The following IL27RA variants were observed in gnomAD, a reference collection of about 807,000 sequenced individuals.
IL27RA encodes the protein interleukin 27 receptor subunit alpha.
Under a neutral mutation model 80.8 loss-of-function variants are expected in IL27RA, and 61 were observed. The observed-to-expected ratio is 0.76, with a 90% CI of 0.61 to 0.93. The LOEUF is 0.93. IL27RA is among the 40% of genes least tolerant of loss of function. IL27RA has a pLI of 0.00. For synonymous variants in IL27RA, 316 were observed against 332.5 expected (o/e 0.95, Z 0.54); for missense variants, 735 against 808.1 (o/e 0.91, Z 1.10).
chr19:14,042,392 T>A, intron 4 of IL27RA, 61 bp from the exon 5 acceptor site: 3 of 1,497,592 alleles, frequency 2.0e-6, no homozygotes, highest in African/African-American at 2.8e-5. Flanking sequence ...AAAAAAAAGA[T>A]AAGTTCAAAT....
chr19:14,037,834 C>CTTTTTTTTTTT (rs1555764856), intron 2 of IL27RA, among the ~76,000 whole-genome samples: 1 of 129,420 alleles, frequency 7.7e-6, no homozygotes, highest in South Asian at 2.9e-4. Context: ...CTCTCTCTCT[C>CTTTTTTTTTTT]TTTTTTTTTT....
In IL27RA at chr19:14,042,638, A is replaced by G. The variant is rs373161906; in HGVS notation, c.694+26A>G. On this transcript the variant is annotated intron_variant, in intron 5 of 13. Coordinates refer to ENST00000263379, the MANE Select transcript of IL27RA (RefSeq NM_004843.4). ...GTGAGGATATCTGGGCTTGCCCTCA[A>G]TCCACGCCCCTCCCACCCCCAGAAG... 10 of 1,613,814 alleles carry G rather than the reference A, an allele frequency of 6.2e-6. No homozygotes were observed. The African/African-American group carries it at 8.0e-5, about 13-fold the overall frequency.
intron 2 of IL27RA, among the ~76,000 whole-genome samples, chr19:14,038,897 A>G (rs543354095): frequency 6.6e-6 from 1 of 151,804 alleles, no homozygotes; most frequent in African/African-American, 2.4e-5. Context: ...AAGAAAAAAA[A>G]AAGAGAGAGA....
chr19:14,046,817 T>C (rs1320282495), intron 8 of IL27RA, among the ~76,000 whole-genome samples, 199 bp downstream of exon 8: 1 of 151,844 alleles, frequency 6.6e-6, no homozygotes, highest in Non-Finnish European at 1.5e-5. Context: ...GCCAACATAG[T>C]GAAACCCCGT....
Position 14,049,224 on chromosome 19 carries a change from G to C in IL27RA, c.1312G>C (p.Gly438Arg). ...APPGTPAIAWGEVPRHQLRGH... is the reference protein window; with the variant it reads ...APPGTPAIAWREVPRHQLRGH... ...TCCAGGGACCCCCGCCATAGCGTGG[G>C]GAGAGGTCCCAAGGCACCAGCTTCG... Residue 438 changes from glycine (G) to arginine (R), a missense_variant, in exon 10 of 14, where the codon GGA becomes CGA. By Grantham distance (125) the Gly-to-Arg change is moderately radical. Coordinates refer to ENST00000263379, the MANE Select transcript of IL27RA (RefSeq NM_004843.4). 1 of 1,614,094 alleles carries C rather than the reference G, an allele frequency of 6.2e-7. No individual in the cohort carries two copies. Among genetic ancestry groups the C allele is most frequent in the South Asian group, 1.1e-5 (1 of 91,074 alleles).
At chr19:14,040,361 CA>C (rs886076771) in intron 4 of IL27RA, among the ~76,000 whole-genome samples, 112 of 138,766 alleles carry the variant, frequency 8.1e-4, no homozygotes, top group African/African-American at 2.5e-3. Flanking sequence ...GACTCAGTCT[CA>C]AAAAAAAAAA....
In IL27RA at chr19:14,033,406, C is replaced by T. The variant is rs115731261; in HGVS notation, c.218+903C>T. Among the ~76,000 whole-genome samples the T allele has an allele frequency of 8.0e-3, 1,217 of 151,404 alleles. 7 individuals carry two copies. The highest frequency in any genetic ancestry group is 0.011 in the Non-Finnish European group (717 of 67,866). ...GAGCCACCGTGCCTGGCCGAGAGCC[C>T]GTCTCTTAAAAATATAAAATATAAT... On this transcript the variant is annotated intron_variant, in intron 2 of 13. Coordinates refer to ENST00000263379, the MANE Select transcript of IL27RA (RefSeq NM_004843.4).
chr19:14,048,262 A>G (rs577497850), intron 8 of IL27RA, among the ~76,000 whole-genome samples: 1 of 147,324 alleles, frequency 6.8e-6, no homozygotes, highest in East Asian at 2.0e-4. Context: ...CTGGCAAGAA[A>G]TCTTTATAAA....
At chr19:14,032,189 T>C (rs962478177) in intron 1 of IL27RA, among the ~76,000 whole-genome samples, 197 bp from the exon 2 acceptor site, 5 of 151,826 alleles carry the variant, frequency 3.3e-5, no homozygotes, top group African/African-American at 1.2e-4. Context: ...CTCTGGGTGG[T>C]TAACAGGATG....
At position 14,046,147 on chromosome 19, in the gene IL27RA, C is replaced by T. The variant is rs1275823641; in HGVS notation, c.769-7C>T. On this transcript the variant is annotated splice_polypyrimidine_tract_variant and splice_region_variant and intron_variant, in intron 6 of 13. Transcript: ENST00000263379. ...GACATTAACCCCTTTTTCCCTTCAT[C>T]TCTCAGGCCCCAGGGCCCTGTGTGC... is the stretch of plus-strand genomic sequence containing the variant. 8 of 1,606,208 alleles carry T rather than the reference C, an allele frequency of 5.0e-6. No homozygotes were observed. In the Admixed American group the frequency reaches 1.0e-4, roughly 21 times the overall value.
intron 6 of IL27RA, among the ~76,000 whole-genome samples, chr19:14,043,072 G>A (rs1006902451): frequency 2.0e-5 from 3 of 151,476 alleles, no homozygotes; most frequent in Non-Finnish European, 2.9e-5. Context: ...AACCCAGGAG[G>A]TGAAGGTTGC....
Position 14,039,771 on chromosome 19 carries a change from G to A in IL27RA, c.395G>A (p.Arg132Gln), listed in dbSNP as rs374053127. 112 of 1,614,012 alleles carry A rather than the reference G, an allele frequency of 6.9e-5. No homozygotes were observed. The highest frequency in any genetic ancestry group is 2.0e-4 in the South Asian group (18 of 91,048). ...LETQMKPNAP[R>Q]LGPDVDFSED... is the part of the protein sequence containing the mutation. ...TCCCCAGTGAAGCCAAACGCCCCCC[G>A]GCTGGGCCCTGACGTGGACTTTTCC... is the stretch of plus-strand genomic sequence containing the variant. Residue 132 changes from arginine (R) to glutamine (Q), a missense_variant, in exon 4 of 14, where the codon CGG becomes CAG. Coordinates refer to ENST00000263379, the MANE Select transcript of IL27RA (RefSeq NM_004843.4).
In IL27RA at chr19:14,042,474, A is replaced by G. The variant is rs377534964; in HGVS notation, c.556A>G (p.Ile186Val). The G allele has an allele frequency of 3.7e-6, 6 of 1,614,046 alleles. No individual in the cohort carries two copies. Among genetic ancestry groups the G allele is most frequent in the Middle Eastern group, 1.6e-4 (1 of 6,084 alleles). The change falls in exon 5 of 14, where the codon ATA (isoleucine) becomes GTA (valine). Residue 186 changes from isoleucine to valine, a missense_variant. Transcript: ENST00000263379. Reference sequence around the variant, plus strand: ...CCAGCTGGAACCGGAGCTGAAGACCATACCCCTGACCCCTGTTGAGATCCA... The same window carrying G: ...CCAGCTGGAACCGGAGCTGAAGACCGTACCCCTGACCCCTGTTGAGATCCA... ...WTLLEPELKTIPLTPVEIQDL... is the reference protein window; with the variant it reads ...WTLLEPELKTVPLTPVEIQDL...
intron 2 of IL27RA, among the ~76,000 whole-genome samples, chr19:14,035,138 C>A (rs1013331161): frequency 2.0e-5 from 3 of 151,438 alleles, no homozygotes; most frequent in East Asian, 4.0e-4. Flanking sequence ...TACAGGCATG[C>A]AACACCATGC....
intron 2 of IL27RA, among the ~76,000 whole-genome samples, chr19:14,032,859 G>GCC: frequency 6.8e-6 from 1 of 147,548 alleles, no homozygotes; most frequent in East Asian, 2.0e-4. Flanking sequence ...CCAGGAGTCT[G>GCC]CCCCCCTCCC....
At chr19:14,045,265 C>T (rs1398980586) in intron 6 of IL27RA, among the ~76,000 whole-genome samples, 3 of 145,722 alleles carry the variant, frequency 2.1e-5, no homozygotes, top group African/African-American at 7.7e-5. Context: ...TCAGCCTGTA[C>T]AATAGTGAGA....
chr19:14,041,168 G>T (rs1176291782), intron 4 of IL27RA, among the ~76,000 whole-genome samples: 1 of 150,858 alleles, frequency 6.6e-6, no homozygotes, highest in Non-Finnish European at 1.5e-5. Context: ...CTCCCAAAGT[G>T]CTGGGATTAC....
Position 14,041,205 on chromosome 19 carries a change from C to CT in IL27RA, c.535-1238dup, listed in dbSNP as rs1306685075. Among the ~76,000 whole-genome samples, 293 of 137,782 alleles carry CT rather than the reference C, an allele frequency of 2.1e-3. 1 individual carries two copies. The highest frequency in any genetic ancestry group is 0.01 in the Middle Eastern group (2 of 196). 90.4% of individuals were successfully genotyped at this position (137,782 alleles called of 152,430 possible). A position where few individuals can be genotyped will look rare whatever the true frequency, so the allele number is the denominator to read the frequency against. On this transcript the variant is annotated intron_variant, in intron 4 of 13. Coordinates refer to ENST00000263379, the MANE Select transcript of IL27RA (RefSeq NM_004843.4). Reference sequence around the variant, plus strand: ...GGCATGAGCCACTGCACCCGGCCCCCTTTTTTTTTTGAGACGGAGTCTCAC... The same window carrying CT: ...GGCATGAGCCACTGCACCCGGCCCCCTTTTTTTTTTTGAGACGGAGTCTCAC...
intron 4 of IL27RA, 29 bp from the exon 5 acceptor site, chr19:14,042,424 C>A (rs1399442059): frequency 6.2e-7 from 1 of 1,608,282 alleles, no homozygotes; most frequent in African/African-American, 1.3e-5. Context: ...AGGCCCTGGG[C>A]CCATCACGCT....
Sources: gnomAD v4.1 joint callset for allele counts (sites outside exome capture counted in the v4.1 genomes callset) on GRCh38, gnomAD v4.1.1 for gene constraint, MANE v1.5 for transcripts, NCBI Gene and HGNC (gene_info 2026-07-23, HGNC 2026-07-21) for gene names.